The following TMEM132C variants were observed in gnomAD, a reference collection of about 807,000 sequenced individuals.
TMEM132C encodes protein phosphatase 1, regulatory subunit 152.
TMEM132C carries 29 observed loss-of-function variants against 61.4 expected under a neutral mutation model. The observed-to-expected ratio is 0.47, with a 90% CI of 0.35 to 0.64. The LOEUF is 0.64. Ranked by LOEUF, TMEM132C falls within the 30% of genes least tolerant of loss-of-function variation. TMEM132C has a pLI of 0.00. For synonymous variants in TMEM132C, 656 were observed against 633.1 expected, an observed-to-expected ratio of 1.04 and a Z score of -0.54; for missense variants, 1,408 against 1,476.9, an observed-to-expected ratio of 0.95 and a Z score of 0.76.
Position 128,597,234 on chromosome 12 carries a change from C to T in TMEM132C, c.1122-18918C>T, listed in dbSNP as rs141882504. ...GTGGGTCACGTCTGTAATCCCAGCA[C>T]TTTGGGAGGCTGAGGTGGGTGGATC... is the stretch of plus-strand genomic sequence containing the variant. On this transcript the variant is annotated intron_variant, in intron 3 of 8. Coordinates refer to ENST00000435159, the MANE Select transcript of TMEM132C (RefSeq NM_001136103.3). 6.9e-3 allele frequency among the ~76,000 whole-genome samples: 1,045 copies of T among 152,250 alleles called. 8 individuals carry two copies. Among genetic ancestry groups the T allele is most frequent in the African/African-American group, 0.024 (989 of 41,538 alleles).
intron 2 of TMEM132C, among the ~76,000 whole-genome samples, chr12:128,480,993 C>G (rs1871300905): frequency 6.6e-6 from 1 of 152,192 alleles, no homozygotes; most frequent in Admixed American, 6.5e-5. Flanking sequence ...GCACTGTTCC[C>G]AGCATCTCGC....
chr12:128,267,553 G>C (rs1293662486), intron 1 of TMEM132C, 66 bp downstream of exon 1: 5 of 1,182,944 alleles, frequency 4.2e-6, no homozygotes, highest in African/African-American at 1.6e-5. Flanking sequence ...GGGAGCTCGG[G>C]GTGAGGGCAG....
chr12:128,700,999 A>T (rs1323454119), intron 8 of TMEM132C, among the ~76,000 whole-genome samples: 1 of 152,182 alleles, frequency 6.6e-6, no homozygotes, highest in Non-Finnish European at 1.5e-5. Context: ...AGTAGAGTGT[A>T]TTACCAACTC....
At chr12:128,283,530 C>G (rs1000197706) in intron 1 of TMEM132C, among the ~76,000 whole-genome samples, 1 of 151,058 alleles carries the variant, frequency 6.6e-6, no homozygotes, top group Admixed American at 6.6e-5. Flanking sequence ...ATCTAGGCAT[C>G]TCTCTCTCTC....
At chr12:128,601,317 G>T (rs1034583086) in intron 3 of TMEM132C, among the ~76,000 whole-genome samples, 1 of 152,186 alleles carries the variant, frequency 6.6e-6, no homozygotes, top group African/African-American at 2.4e-5. Context: ...GTGACTGTCG[G>T]GGCACTCGGC....
chr12:128,651,093 A>T (rs1387781696), intron 4 of TMEM132C, among the ~76,000 whole-genome samples: 3 of 152,194 alleles, frequency 2.0e-5, no homozygotes, highest in Non-Finnish European at 4.4e-5. Context: ...TCCATCAGGG[A>T]GTAAGAAACA....
At chr12:128,547,091 C>A (rs548506766) in intron 3 of TMEM132C, among the ~76,000 whole-genome samples, 3 of 152,320 alleles carry the variant, frequency 2.0e-5, no homozygotes, top group Non-Finnish European at 4.4e-5. Context: ...ATAGCAAGAT[C>A]TTTCTTATGT....
intron 1 of TMEM132C, among the ~76,000 whole-genome samples, chr12:128,402,083 G>A (rs926825787): frequency 6.6e-6 from 1 of 152,146 alleles, no homozygotes; most frequent in African/African-American, 2.4e-5. Context: ...TCAGGGGCGA[G>A]AGAAGCTGCC....
chr12:128,641,745 C>T (rs1954159329), intron 4 of TMEM132C, among the ~76,000 whole-genome samples: 1 of 152,218 alleles, frequency 6.6e-6, no homozygotes, highest in Admixed American at 6.5e-5. Flanking sequence ...TGCGTTATAG[C>T]AGCCACGGGA....
chr12:128,278,748 G>GTA lies in TMEM132C; in HGVS notation c.85+11263_85+11264dup, dbSNP rs1039734936. ...TTTGTGCAGACTTGATTCTATACGT[G>GTA]TATGTGTGTGTGTGTGTGTGTGTGT... On this transcript the variant is annotated intron_variant, in intron 1 of 8. Transcript: ENST00000435159. This position sits in a 1 kb window ranked among gnomAD's most constrained non-coding sequence, Gnocchi z 4.2. Among the ~76,000 whole-genome samples, 1 of 123,926 alleles carries GTA rather than the reference G, an allele frequency of 8.1e-6. No homozygotes were observed. Among genetic ancestry groups the GTA allele is most frequent in the Non-Finnish European group, 1.7e-5 (1 of 57,756 alleles). 81.3% of individuals were successfully genotyped at this position (123,926 alleles called of 152,430 possible).
At chr12:128,703,439 G>A (rs1032634558) in intron 8 of TMEM132C, among the ~76,000 whole-genome samples, 3 of 152,164 alleles carry the variant, frequency 2.0e-5, no homozygotes, top group African/African-American at 7.2e-5. Context: ...AAGAATAATG[G>A]CCTCTAGCTC....
At chr12:128,505,445 C>A (rs1872324056) in intron 2 of TMEM132C, among the ~76,000 whole-genome samples, 1 of 152,162 alleles carries the variant, frequency 6.6e-6, no homozygotes, top group Non-Finnish European at 1.5e-5. Context: ...GCCAAGATTG[C>A]AATCAAAGGA....
intron 1 of TMEM132C, among the ~76,000 whole-genome samples, chr12:128,359,722 C>G (rs532023334): frequency 6.6e-6 from 1 of 152,070 alleles, no homozygotes; most frequent in Non-Finnish European, 1.5e-5. Flanking sequence ...GTGAGTGTGG[C>G]GTCTAGATAA....
intron 2 of TMEM132C, among the ~76,000 whole-genome samples, chr12:128,429,713 G>A (rs1191917648): frequency 2.0e-5 from 3 of 152,070 alleles, no homozygotes; most frequent in Non-Finnish European, 4.4e-5. Context: ...AGAAGAACAG[G>A]GCTTTGATAA....
chr12:128,497,232 G>C (rs942446957), intron 2 of TMEM132C, among the ~76,000 whole-genome samples: 1 of 152,226 alleles, frequency 6.6e-6, no homozygotes, highest in African/African-American at 2.4e-5. Flanking sequence ...TGAGATGTCA[G>C]TCTGCCCCTA....
At chr12:128,695,293 G>A (rs1954751056) in intron 6 of TMEM132C, among the ~76,000 whole-genome samples, 1 of 152,170 alleles carries the variant, frequency 6.6e-6, no homozygotes, top group East Asian at 1.9e-4. Flanking sequence ...GCCAAGGTGG[G>A]AGAATCACTT....
chr12:128,603,844 G>A (rs1222757465), intron 3 of TMEM132C, among the ~76,000 whole-genome samples: 1 of 152,056 alleles, frequency 6.6e-6, no homozygotes, highest in Non-Finnish European at 1.5e-5. Context: ...GAGGCAAATT[G>A]GAGGCCCTGA....
intron 2 of TMEM132C, among the ~76,000 whole-genome samples, chr12:128,517,893 C>T (rs914694670): frequency 1.3e-5 from 2 of 152,116 alleles, no homozygotes; most frequent in African/African-American, 2.4e-5. Context: ...GGAGGAAGGC[C>T]TCAGACAGAT....
At chr12:128,422,176 T>C (rs1195202871) in intron 2 of TMEM132C, among the ~76,000 whole-genome samples, 3 of 152,202 alleles carry the variant, frequency 2.0e-5, no homozygotes, top group African/African-American at 7.2e-5. Flanking sequence ...TGTACCTCTG[T>C]GCTCCTGAAC....
Sources: allele counts gnomAD v4.1 joint callset (sites outside exome capture counted in the v4.1 genomes callset), GRCh38; gene constraint gnomAD v4.1.1; non-coding constraint Gnocchi (gnomAD v3.1); transcripts MANE v1.5; gene names NCBI Gene and HGNC (gene_info 2026-07-23, HGNC 2026-07-21).